YWHAE: variants seen among roughly 807,000 people sequenced by gnomAD.
YWHAE encodes 14-3-3 protein epsilon.
Under a neutral mutation model 30.1 loss-of-function variants are expected in YWHAE, and 4 were observed. The ratio of observed to expected loss-of-function variants is 0.13; its 90% CI spans 0.07 to 0.30. The LOEUF is 0.30. Ranked by LOEUF, YWHAE falls within the 10% of genes least tolerant of loss-of-function variation. The probability of loss-of-function intolerance (pLI) is 1.00; values close to 1 mark genes in which losing one functional copy is unlikely to be tolerated. For missense variants in YWHAE, 121 were observed against 315.9 expected (o/e 0.38, Z 4.68); for synonymous variants, 118 against 111.8 (o/e 1.06, Z -0.35).
chr17:1,386,445 C>T (rs1598266964), intron 1 of YWHAE, among the ~76,000 whole-genome samples: 2 of 152,364 alleles, frequency 1.3e-5, no homozygotes, highest in Admixed American at 1.3e-4. Context: ...ATTTTGTTCA[C>T]TGATGAATCC....
intron 1 of YWHAE, among the ~76,000 whole-genome samples, chr17:1,378,626 C>G (rs913686858): frequency 6.6e-6 from 1 of 152,166 alleles, no homozygotes; most frequent in Admixed American, 6.5e-5. Context: ...ATTTCAGGAG[C>G]AATACTACTC....
At chr17:1,347,378 T>C (rs556767100) in intron 5 of YWHAE, among the ~76,000 whole-genome samples, 4 of 149,716 alleles carry the variant, frequency 2.7e-5, no homozygotes, top group African/African-American at 4.9e-5. Flanking sequence ...CACATGTCTA[T>C]AGTCCCAGCT....
chr17:1,361,761 C>T (rs771916598), intron 3 of YWHAE, 141 bp downstream of exon 3: 2 of 577,620 alleles, frequency 3.5e-6, no homozygotes, highest in Non-Finnish European at 5.9e-6. Context: ...GCCCAACCAC[C>T]TTTTCATTAC....
At chr17:1,396,929 T>C (rs1345509594) in intron 1 of YWHAE, among the ~76,000 whole-genome samples, 1 of 148,306 alleles carries the variant, frequency 6.7e-6, no homozygotes, top group African/African-American at 2.5e-5. Flanking sequence ...GCCTCTTTTT[T>C]TTTTTTTTGG....
intron 2 of YWHAE, among the ~76,000 whole-genome samples, chr17:1,364,362 G>A (rs1567965647): frequency 6.6e-6 from 1 of 151,972 alleles, no homozygotes; most frequent in Non-Finnish European, 1.5e-5. Flanking sequence ...GAGTAGCTGG[G>A]ACCACAGGCT....
intron 1 of YWHAE, 55 bp downstream of exon 1, chr17:1,399,992 T>C: frequency 3.1e-6 from 5 of 1,602,654 alleles, no homozygotes; most frequent in East Asian, 2.2e-5. Context: ...CCGGCCTCTG[T>C]GGGCGGCGGC....
chr17:1,356,936 A>C (rs2072755117), intron 4 of YWHAE, among the ~76,000 whole-genome samples: 1 of 151,776 alleles, frequency 6.6e-6, no homozygotes, highest in East Asian at 1.9e-4. Flanking sequence ...TACTTTGCTT[A>C]AGCAGTTGTC....
chr17:1,370,654 C>G (rs769440281), intron 1 of YWHAE, among the ~76,000 whole-genome samples: 1 of 152,054 alleles, frequency 6.6e-6, no homozygotes, highest in Non-Finnish European at 1.5e-5. Context: ...TGGTCTTAAA[C>G]TCCTGACCTC....
At chr17:1,365,296 A>G (rs573020707) in intron 1 of YWHAE, among the ~76,000 whole-genome samples, 57 of 152,266 alleles carry the variant, frequency 3.7e-4, no homozygotes, top group African/African-American at 1.3e-3. Flanking sequence ...TTCATATACT[A>G]TCTAATATAA....
intron 1 of YWHAE, among the ~76,000 whole-genome samples, chr17:1,395,105 C>T (rs556683798): frequency 1.3e-5 from 2 of 149,248 alleles, no homozygotes; most frequent in Admixed American, 1.3e-4. Flanking sequence ...AAAAAAAAAA[C>T]AATCAGGCCG....
chr17:1,353,042 A>C (rs1192296272), intron 5 of YWHAE, among the ~76,000 whole-genome samples: 1 of 152,204 alleles, frequency 6.6e-6, no homozygotes, highest in Non-Finnish European at 1.5e-5. Flanking sequence ...CAACAAACAT[A>C]ACAAATTTGG....
chr17:1,364,677 T>C (rs537471802), intron 2 of YWHAE, 182 bp downstream of exon 2: 95 of 739,164 alleles, frequency 1.3e-4, no homozygotes, highest in Middle Eastern at 3.9e-4. Context: ...TTTGTCCTCA[T>C]GCATAGCCAC....
chr17:1,379,511 C>T (rs1345329791), intron 1 of YWHAE, among the ~76,000 whole-genome samples: 2 of 152,146 alleles, frequency 1.3e-5, no homozygotes, highest in African/African-American at 4.8e-5. Flanking sequence ...ACATGCAAAA[C>T]TTCTAATTCG....
chr17:1,383,798 T>C (rs1167335600), intron 1 of YWHAE, among the ~76,000 whole-genome samples: 1 of 152,174 alleles, frequency 6.6e-6, no homozygotes, highest in Non-Finnish European at 1.5e-5. Context: ...AAATAGAGTA[T>C]TCCCGCAATC....
intron 1 of YWHAE, among the ~76,000 whole-genome samples, chr17:1,381,765 A>C (rs1319712852): frequency 1.3e-5 from 2 of 151,822 alleles, no homozygotes; most frequent in African/African-American, 4.8e-5. Context: ...AAAAATACAA[A>C]AATTGGCCAG....
Position 1,345,115 on chromosome 17 carries a change from C to A in YWHAE, c.*332G>T. On this transcript the variant is annotated 3_prime_UTR_variant, in exon 6 of 6. Transcript: ENST00000264335. ...CATCACCTATAAGTCTAATGGCTTT[C>A]AAATGTAATTTCCATTTGCTAATGG... is the stretch of plus-strand genomic sequence containing the variant. The A allele has an allele frequency of 2.7e-6, 1 of 369,742 alleles. No individual in the cohort carries two copies. Among genetic ancestry groups the A allele is most frequent in the Admixed American group, 4.3e-5 (1 of 23,176 alleles). 22.9% of individuals were successfully genotyped at this position (369,742 alleles called of 1,614,324 possible).
intron 1 of YWHAE, among the ~76,000 whole-genome samples, chr17:1,378,121 A>G (rs1277772453): frequency 6.6e-6 from 1 of 152,220 alleles, no homozygotes; most frequent in African/African-American, 2.4e-5. Flanking sequence ...AGAAACTTAC[A>G]AGGTGCTACT....
At chr17:1,355,729 T>C (rs1440298254) in intron 4 of YWHAE, among the ~76,000 whole-genome samples, 2 of 151,954 alleles carry the variant, frequency 1.3e-5, no homozygotes, top group Non-Finnish European at 2.9e-5. Context: ...GGTAGACAAA[T>C]ACATAACTAT....
intron 1 of YWHAE, among the ~76,000 whole-genome samples, chr17:1,381,492 G>C (rs888243713): frequency 1.3e-5 from 2 of 151,942 alleles, no homozygotes; most frequent in African/African-American, 4.8e-5. Flanking sequence ...ATGGGCAACA[G>C]GACAAGACTC....
Sources: allele counts gnomAD v4.1 joint callset (sites outside exome capture counted in the v4.1 genomes callset), GRCh38; gene constraint gnomAD v4.1.1; transcripts MANE v1.5; gene names NCBI Gene and HGNC (gene_info 2026-07-23, HGNC 2026-07-21).